Variants in PCDHGA6 observed in about 807,000 individuals in gnomAD.
The protein encoded by PCDHGA6 is protocadherin gamma-A6.
Under a neutral mutation model 60.6 loss-of-function variants are expected in PCDHGA6, and 41 were observed. The observed-to-expected ratio is 0.68, with a 90% CI of 0.53 to 0.88. PCDHGA6 has a LOEUF of 0.88. Ranked by LOEUF, PCDHGA6 falls within the 40% of genes least tolerant of loss-of-function variation. PCDHGA6 has a pLI of 0.00. For missense variants in PCDHGA6, 1,312 were observed against 1,203.0 expected (o/e 1.09, Z -1.34); for synonymous variants, 594 against 524.4 (o/e 1.13, Z -1.81).
intron 1 of PCDHGA6, chr5:141,385,371 T>C: frequency 2.6e-6 from 4 of 1,529,296 alleles, no homozygotes; most frequent in Non-Finnish European, 3.5e-6. Context: ...ATTTGCATGA[T>C]ATTTCTCTAT....
At chr5:141,492,505 C>A (rs1009723421) in intron 1 of PCDHGA6, among the ~76,000 whole-genome samples, 1 of 152,212 alleles carries the variant, frequency 6.6e-6, no homozygotes, top group Admixed American at 6.5e-5. Context: ...GACTCCGGAG[C>A]CTCCTCTCAC....
intron 1 of PCDHGA6, chr5:141,385,033 C>T (rs749144502): frequency 1.2e-6 from 2 of 1,614,182 alleles, no homozygotes; most frequent in East Asian, 2.2e-5. Context: ...CCTCGTACTG[C>T]TGGCGCTCAG....
At position 141,374,684 on chromosome 5, in the gene PCDHGA6, G is replaced by A; in HGVS notation, c.601G>A (p.Asp201Asn). ...YPELVLEGTL[D>N]REGEAVYRLV... ...GGAGCTGGTGCTGGAGGGCACACTG[G>A]ACCGGGAAGGAGAAGCCGTTTACCG... The change falls in exon 1 of 4, where the codon GAC becomes AAC. Residue 201 changes from aspartate to asparagine, a missense_variant. Asp to Asn is a conservative substitution (Grantham distance 23, BLOSUM62 1). Transcript: ENST00000517434. 1 of 1,609,636 alleles carries A rather than the reference G, an allele frequency of 6.2e-7. No individual in the cohort carries two copies. The highest frequency in any genetic ancestry group is 8.5e-7 in the Non-Finnish European group (1 of 1,177,772).
chr5:141,389,983 T>C (rs1224770373), intron 1 of PCDHGA6: 1 of 1,614,014 alleles, frequency 6.2e-7, no homozygotes, highest in East Asian at 2.2e-5. Context: ...ATCTCAGTGC[T>C]CTTCCTCGTG....
chr5:141,494,820 AC>A lies in PCDHGA6; in HGVS notation c.2439del (p.Asn813LysfsTer39). 6.2e-7 allele frequency: 1 copy of A among 1,613,988 alleles called. No homozygotes were observed. The highest frequency in any genetic ancestry group is 2.2e-5 in the East Asian group (1 of 44,874). On this transcript the variant is annotated frameshift_variant, in exon 2 of 4. Coordinates refer to ENST00000517434, the MANE Select transcript of PCDHGA6 (RefSeq NM_018919.3). LOFTEE classifies it high-confidence loss of function. ...TTTTCTCCACAGCAAGCCCCGCCCA[AC>A]ACGGACTGGCGTTTCTCTCAGGCCC... ...EPRQLQQAPP[N>X]TDWRFSQAQR...
intron 1 of PCDHGA6, among the ~76,000 whole-genome samples, chr5:141,494,070 C>T (rs933213518): frequency 3.9e-5 from 6 of 152,174 alleles, no homozygotes; most frequent in African/African-American, 1.4e-4. Context: ...AGCTGGATCC[C>T]TCCCCGCTGC....
intron 1 of PCDHGA6, among the ~76,000 whole-genome samples, chr5:141,447,353 G>C (rs559895274): frequency 6.6e-6 from 1 of 152,032 alleles, no homozygotes; most frequent in Admixed American, 6.6e-5. Context: ...TGGTCAGGCT[G>C]GTCTCAAACT....
chr5:141,459,545 T>G (rs534173050), intron 1 of PCDHGA6, among the ~76,000 whole-genome samples: 81 of 152,348 alleles, frequency 5.3e-4, no homozygotes, highest in South Asian at 1.0e-3. Context: ...TTTTTTTATT[T>G]CTCTTGGATA....
rs188091361 is a variant in PCDHGA6, at chr5:141,375,199, C to T, written c.1116C>T (p.Phe372=). 47 of 1,613,924 alleles carry T rather than the reference C, an allele frequency of 2.9e-5. No individual in the cohort carries two copies. The South Asian group carries it at 4.7e-4, about 16-fold the overall frequency. ...PGTVIALFQV[F]DRDSGLNGLV... ...CAGTAATCGCCCTTTTTCAAGTGTT[C>T]GATCGAGACTCTGGCCTGAATGGCC... The change falls in exon 1 of 4, where the codon TTC becomes TTT. Residue 372 remains phenylalanine (F), a synonymous_variant. Transcript: ENST00000517434.
intron 1 of PCDHGA6, among the ~76,000 whole-genome samples, chr5:141,468,000 C>G (rs1429450909): frequency 6.6e-6 from 1 of 152,028 alleles, no homozygotes; most frequent in East Asian, 1.9e-4. Flanking sequence ...ATTCTTTCTT[C>G]CTCTGTTATA....
intron 1 of PCDHGA6, chr5:141,395,542 TTGTGTGTGTGTGTGTGTG>T (rs55729045): frequency 3.2e-4 from 55 of 172,630 alleles, no homozygotes; most frequent in Middle Eastern, 1.8e-3. Context: ...TTGCTATTGT[TTGTGTGTGTGTGTGTGTG>T]TGTGTGTGTG....
chr5:141,416,306 G>A (rs1186519939), intron 1 of PCDHGA6: 1 of 152,186 alleles, frequency 6.6e-6, no homozygotes, highest in Non-Finnish European at 1.5e-5. Flanking sequence ...CTATGTGGAA[G>A]ATATAGCATT....
intron 1 of PCDHGA6, chr5:141,384,102 T>G (rs1156310174): frequency 1.3e-6 from 2 of 1,599,484 alleles, no homozygotes; most frequent in Admixed American, 3.4e-5. Flanking sequence ...TAGATAATTA[T>G]TATAGATTGG....
chr5:141,399,330 A>T, intron 1 of PCDHGA6: 1 of 1,613,994 alleles, frequency 6.2e-7, no homozygotes, highest in Non-Finnish European at 8.5e-7. Flanking sequence ...ATAAGTTGGT[A>T]ACAGATGGAA....
At chr5:141,404,614 C>T in intron 1 of PCDHGA6, 5 of 1,614,078 alleles carry the variant, frequency 3.1e-6, no homozygotes, top group Non-Finnish European at 4.2e-6. Context: ...TTGTTTTGGA[C>T]CAGAATGACA....
intron 1 of PCDHGA6, chr5:141,386,033 G>A (rs1205491473): frequency 1.3e-5 from 2 of 152,154 alleles, no homozygotes; most frequent in Admixed American, 6.6e-5. Flanking sequence ...TTGTGACATA[G>A]GCAATTACAT....
At chr5:141,453,608 C>T (rs1015022396) in intron 1 of PCDHGA6, among the ~76,000 whole-genome samples, 6 of 152,068 alleles carry the variant, frequency 3.9e-5, no homozygotes, top group South Asian at 2.1e-4. Context: ...TTTTGCAAAA[C>T]GCAAAAACAA....
At position 141,409,239 on chromosome 5, in the gene PCDHGA6, A is replaced by C. The variant is rs1330242516; in HGVS notation, c.2424+32732A>C. The C allele has an allele frequency of 5.0e-6, 8 of 1,613,920 alleles. No individual in the cohort carries two copies. In the Admixed American group the frequency reaches 1.3e-4, roughly 27 times the overall value. On this transcript the variant is annotated intron_variant, in intron 1 of 3. Transcript: ENST00000517434. ...CTTGATGAAAACGACAACAGCCCAG[A>C]AATAATCATCACTTCTCTCTCTGAT... is the stretch of plus-strand genomic sequence containing the variant.
At chr5:141,393,664 T>G in intron 1 of PCDHGA6, 1 of 1,613,772 alleles carries the variant, frequency 6.2e-7, no homozygotes, top group Non-Finnish European at 8.5e-7. Flanking sequence ...TTCCGGAAAA[T>G]TAATGAAAAA....
Sources: gnomAD v4.1 joint callset for allele counts (sites outside exome capture counted in the v4.1 genomes callset) on GRCh38, gnomAD v4.1.1 for gene constraint, MANE v1.5 for transcripts, NCBI Gene and HGNC (gene_info 2026-07-23, HGNC 2026-07-21) for gene names.